Variants in MGST2 observed in about 807,000 individuals in gnomAD.
The protein encoded by MGST2 is microsomal glutathione S-transferase 2.
In MGST2, 9 loss-of-function variants were observed where a neutral mutation model predicts 16.6. That is an observed-to-expected ratio of 0.54 (90% confidence interval 0.33 to 0.95). The LOEUF (loss-of-function observed/expected upper bound fraction) is 0.95, where lower values mean the gene tolerates loss of function less well. Among genes scored for constraint, MGST2 ranks in the 40% least tolerant of loss-of-function variants. MGST2 has a pLI of 0.03. For missense variants in MGST2, 159 were observed against 175.1 expected (o/e 0.91, Z 0.52); for synonymous variants, 79 against 68.0 (o/e 1.16, Z -0.79).
At chr4:139,741,644 G>C (rs1729167801), downstream of MGST2, among the ~76,000 whole-genome samples, 1 of 152,168 alleles carries the variant, frequency 6.6e-6, no homozygotes, top group African/African-American at 2.4e-5. Flanking sequence ...TTACTCAGGA[G>C]GCTGAGGTGG....
chr4:139,698,780 T>C (rs1184246765), intron 3 of MGST2, among the ~76,000 whole-genome samples: 5 of 152,188 alleles, frequency 3.3e-5, no homozygotes, highest in Non-Finnish European at 7.4e-5. Flanking sequence ...ACTTTTTCTT[T>C]CTTTTTTCTT....
At chr4:139,670,883 G>T (rs575783932) in intron 1 of MGST2, among the ~76,000 whole-genome samples, 1 of 151,448 alleles carries the variant, frequency 6.6e-6, no homozygotes, top group African/African-American at 2.4e-5. Context: ...CTCCAGACTG[G>T]GTGAGAGTGA....
intron 5 of MGST2, among the ~76,000 whole-genome samples, chr4:139,709,954 AG>A (rs1727676237): frequency 6.6e-6 from 1 of 152,242 alleles, no homozygotes; most frequent in Non-Finnish European, 1.5e-5. Flanking sequence ...TAATGTCCTT[AG>A]TACTTAAAAG....
chr4:139,732,544 G>A (rs1472913013), intron 5 of MGST2, among the ~76,000 whole-genome samples: 2 of 151,010 alleles, frequency 1.3e-5, no homozygotes, highest in Non-Finnish European at 2.9e-5. Flanking sequence ...ATCAATGAAT[G>A]GAAGACACAG....
chr4:139,703,978 C>A, intron 4 of MGST2, 38 bp from the exon 5 acceptor site: 2 of 1,613,604 alleles, frequency 1.2e-6, no homozygotes, highest in Non-Finnish European at 1.7e-6. Context: ...TTATTACAGT[C>A]CAGTTTGTCA....
chr4:139,667,334 C>G (rs1480512817), intron 1 of MGST2, among the ~76,000 whole-genome samples: 1 of 152,114 alleles, frequency 6.6e-6, no homozygotes, highest in Non-Finnish European at 1.5e-5. Flanking sequence ...TTGGTAGCAT[C>G]CTGACTCACA....
At chr4:139,679,139 A>G (rs1336978235) in intron 2 of MGST2, 1 of 168,344 alleles carries the variant, frequency 5.9e-6, no homozygotes, top group Non-Finnish European at 1.3e-5. Flanking sequence ...ATGTTTTTTG[A>G]TCATCTTGTG....
intron 2 of MGST2, among the ~76,000 whole-genome samples, chr4:139,687,064 C>G (rs931386684): frequency 2.0e-5 from 3 of 152,212 alleles, no homozygotes; most frequent in Non-Finnish European, 2.9e-5. Flanking sequence ...AAGTATTTCT[C>G]TCAAGTTACT....
At chr4:139,683,693 G>A (rs1411640910) in intron 2 of MGST2, among the ~76,000 whole-genome samples, 3 of 152,044 alleles carry the variant, frequency 2.0e-5, no homozygotes, top group Non-Finnish European at 4.4e-5. Context: ...TCACTTAGGG[G>A]AGTGTGTGTA....
the MGST2 span, among the ~76,000 whole-genome samples, chr4:139,753,719 C>A: frequency 6.6e-6 from 1 of 152,188 alleles, no homozygotes; most frequent in Non-Finnish European, 1.5e-5. Context: ...AGATGTTAAA[C>A]TATCAAAGCT....
chr4:139,676,214 AT>A (rs1458532862), intron 1 of MGST2, among the ~76,000 whole-genome samples: 2 of 152,162 alleles, frequency 1.3e-5, no homozygotes, highest in Non-Finnish European at 2.9e-5. Context: ...AGATTCACTC[AT>A]TTTTGGGGGG....
intron 1 of MGST2, among the ~76,000 whole-genome samples, chr4:139,674,326 GT>G (rs1309152276): frequency 6.6e-6 from 1 of 152,174 alleles, no homozygotes; most frequent in Non-Finnish European, 1.5e-5. Flanking sequence ...ATTCTTTTGA[GT>G]TTCTGATTAG....
At chr4:139,698,048 G>A (rs1244313814) in intron 3 of MGST2, 1 of 745,446 alleles carries the variant, frequency 1.3e-6, no homozygotes, top group Non-Finnish European at 2.2e-6. Context: ...TTGACCCCAT[G>A]GAAAAAAATT....
the MGST2 span, among the ~76,000 whole-genome samples, chr4:139,748,865 A>G: frequency 2.4e-4 from 37 of 152,090 alleles, no homozygotes; most frequent in Non-Finnish European, 4.9e-4. Context: ...TGCAAACTCA[A>G]CCCGGCTTTG....
Position 139,688,515 on chromosome 4 carries a change from ATT to A in MGST2, c.159-6671_159-6670del, listed in dbSNP as rs147142819. Among the ~76,000 whole-genome samples the A allele has an allele frequency of 1.9e-4, 27 of 145,704 alleles. No homozygotes were observed. In the East Asian group the frequency reaches 3.4e-3, roughly 18 times the overall value. ...TCTTCTCATTCTACTGTGATTCTGT[ATT>A]TTTTTTTTTTACATTTTATTAACTT... is the stretch of plus-strand genomic sequence containing the variant. On this transcript the variant is annotated intron_variant, in intron 2 of 4. Coordinates refer to ENST00000265498, the MANE Select transcript of MGST2 (RefSeq NM_002413.5).
chr4:139,733,405 G>A (rs1026826819), intron 5 of MGST2, among the ~76,000 whole-genome samples: 2 of 152,088 alleles, frequency 1.3e-5, no homozygotes, highest in East Asian at 3.9e-4. Context: ...GCACAGCTGG[G>A]GAAGTGGTAA....
At chr4:139,711,883 A>G (rs1407056566) in intron 5 of MGST2, among the ~76,000 whole-genome samples, 1 of 152,144 alleles carries the variant, frequency 6.6e-6, no homozygotes, top group East Asian at 1.9e-4. Context: ...TTCAGGCTGA[A>G]TAGGGGCGAT....
At chr4:139,671,466 A>T (rs1168226953) in intron 1 of MGST2, among the ~76,000 whole-genome samples, 1 of 152,034 alleles carries the variant, frequency 6.6e-6, no homozygotes, top group Non-Finnish European at 1.5e-5. Context: ...TATATTCATC[A>T]TATATACGTA....
intron 5 of MGST2, among the ~76,000 whole-genome samples, chr4:139,739,810 T>A (rs13126132): frequency 0.41 from 61,595 of 150,748 alleles, 13,638 homozygotes; most frequent in Middle Eastern, 0.57. Flanking sequence ...TTTATTTTTA[T>A]ACTTTTTCAA....
Sources: allele counts gnomAD v4.1 joint callset (sites outside exome capture counted in the v4.1 genomes callset), GRCh38; gene constraint gnomAD v4.1.1; transcripts MANE v1.5; gene names NCBI Gene and HGNC (gene_info 2026-07-23, HGNC 2026-07-21).